Variants in MYRIP observed in about 807,000 individuals in gnomAD.
MYRIP encodes rab effector MyRIP.
Under a neutral mutation model 98.0 loss-of-function variants are expected in MYRIP, and 49 were observed. The ratio of observed to expected loss-of-function variants is 0.50; its 90% CI spans 0.40 to 0.63. The LOEUF (loss-of-function observed/expected upper bound fraction) is 0.63. MYRIP is among the 30% of genes least tolerant of loss of function. The pLI, the probability that MYRIP is intolerant of heterozygous loss-of-function variation, is 0.00. For synonymous variants in MYRIP, 404 were observed against 409.5 expected (o/e 0.99, Z 0.16); for missense variants, 1,004 against 1,058.2 (o/e 0.95, Z 0.71).
intron 1 of MYRIP, among the ~76,000 whole-genome samples, chr3:39,888,486 C>T (rs563080407): frequency 1.3e-5 from 2 of 152,198 alleles, no homozygotes; most frequent in Non-Finnish European, 2.9e-5. Flanking sequence ...ATGTAGAAAG[C>T]TGAAACTGGA....
intron 1 of MYRIP, among the ~76,000 whole-genome samples, chr3:39,856,602 C>A (rs1049741291): frequency 7.9e-5 from 12 of 152,194 alleles, no homozygotes; most frequent in African/African-American, 2.9e-4. Flanking sequence ...CAGAGCCCAA[C>A]CAGCGGAGCT....
At chr3:39,843,445 G>A (rs1941866927) in intron 1 of MYRIP, among the ~76,000 whole-genome samples, 1 of 152,106 alleles carries the variant, frequency 6.6e-6, no homozygotes, top group South Asian at 2.1e-4. Flanking sequence ...AGAAACCACA[G>A]CACAAAAAAG....
chr3:40,071,606 G>T (rs766644382), intron 3 of MYRIP, among the ~76,000 whole-genome samples: 1 of 152,200 alleles, frequency 6.6e-6, no homozygotes, highest in East Asian at 1.9e-4. Flanking sequence ...GACTCACTCA[G>T]AGCAGGAGTG....
At position 39,900,828 on chromosome 3, in the gene MYRIP, G is replaced by A. The variant is rs1943721901; in HGVS notation, c.12G>A (p.Lys4=). The A allele has an allele frequency of 1.2e-6, 2 of 1,613,768 alleles. No homozygotes were observed. Among genetic ancestry groups the A allele is most frequent in the East Asian group, 4.5e-5 (2 of 44,876 alleles). The part of the protein sequence containing the change: MGR[K]LDLSGLTDDE... ...TGTGTTGAGTAACCATGGGGAGGAA[G>A]CTGGACCTGTCTGGTTTGACTGATG... The change falls in exon 2 of 17, where the codon AAG becomes AAA. Residue 4 remains lysine, a synonymous_variant. Coordinates refer to ENST00000302541, the MANE Select transcript of MYRIP (RefSeq NM_015460.4).
At chr3:40,225,827 A>C (rs546598368) in intron 11 of MYRIP, among the ~76,000 whole-genome samples, 1 of 152,268 alleles carries the variant, frequency 6.6e-6, no homozygotes, top group East Asian at 1.9e-4. Flanking sequence ...AGCCATGGCC[A>C]CATATTTATT....
At chr3:39,886,390 T>A (rs1270594888) in intron 1 of MYRIP, among the ~76,000 whole-genome samples, 1 of 149,728 alleles carries the variant, frequency 6.7e-6, no homozygotes, top group Non-Finnish European at 1.5e-5. Context: ...AGACACAGAC[T>A]GGCAAATTGG....
intron 1 of MYRIP, among the ~76,000 whole-genome samples, chr3:39,813,840 A>G (rs1430575342): frequency 1.3e-5 from 2 of 152,222 alleles, no homozygotes; most frequent in Non-Finnish European, 2.9e-5. Flanking sequence ...CGTGCCTACT[A>G]GAGTGTGTAG....
intron 2 of MYRIP, among the ~76,000 whole-genome samples, chr3:39,926,550 A>C (rs931423397): frequency 6.6e-6 from 1 of 152,060 alleles, no homozygotes; most frequent in East Asian, 1.9e-4. Context: ...TCTTCTGCTT[A>C]TGGCTAGGCA....
At chr3:39,960,358 A>G (rs1415276848) in intron 2 of MYRIP, among the ~76,000 whole-genome samples, 1 of 152,150 alleles carries the variant, frequency 6.6e-6, no homozygotes, top group Non-Finnish European at 1.5e-5. Context: ...CTTTCTTGTA[A>G]AAAACACATG....
intron 3 of MYRIP, among the ~76,000 whole-genome samples, chr3:40,096,414 G>A (rs1021477369): frequency 2.0e-5 from 3 of 152,208 alleles, no homozygotes; most frequent in African/African-American, 7.2e-5. Flanking sequence ...TAAGGGAGGT[G>A]CTGTGAGGAT....
intron 1 of MYRIP, among the ~76,000 whole-genome samples, chr3:39,878,568 A>G (rs963901991): frequency 6.6e-6 from 1 of 152,026 alleles, no homozygotes; most frequent in African/African-American, 2.4e-5. Flanking sequence ...ATGTATATAT[A>G]TACACAGAGG....
At chr3:40,126,831 G>C (rs2679824) in intron 3 of MYRIP, among the ~76,000 whole-genome samples, 94,068 of 152,118 alleles carry the variant, frequency 0.62, 33,259 homozygotes, top group Non-Finnish European at 0.79. Context: ...AGTGATGCTA[G>C]TAGCAAGGGC....
At chr3:40,057,424 G>A (rs1947907206) in intron 3 of MYRIP, among the ~76,000 whole-genome samples, 1 of 152,146 alleles carries the variant, frequency 6.6e-6, no homozygotes, top group Admixed American at 6.5e-5. Flanking sequence ...TAACACATCA[G>A]AGCCCTTGAA....
Position 40,190,270 on chromosome 3 carries a change from A to G in MYRIP, c.1472A>G (p.His491Arg). ...RNPAAEKMRL[H>R]GELDVNFNPQ... ...CCTGCAGCTGAGAAGATGCGCTTGC[A>G]TGGAGAGCTGGACGTGAACTTCAAC... Residue 491 changes from histidine (H) to arginine (R), a missense_variant, in exon 10 of 17, where the codon CAT becomes CGT. Coordinates refer to ENST00000302541, the MANE Select transcript of MYRIP (RefSeq NM_015460.4). 1 of 1,614,046 alleles carries G rather than the reference A, an allele frequency of 6.2e-7. No individual in the cohort carries two copies. The highest frequency in any genetic ancestry group is 8.5e-7 in the Non-Finnish European group (1 of 1,180,012).
intron 3 of MYRIP, among the ~76,000 whole-genome samples, chr3:40,144,085 G>A (rs915790195): frequency 6.6e-6 from 1 of 152,142 alleles, no homozygotes; most frequent in Non-Finnish European, 1.5e-5. Flanking sequence ...TAGGACTCTT[G>A]GTTGCAAATA....
chr3:40,120,479 A>G (rs1219588033), intron 3 of MYRIP, among the ~76,000 whole-genome samples: 2 of 152,246 alleles, frequency 1.3e-5, no homozygotes, highest in African/African-American at 4.8e-5. Context: ...GTGTCAGGAC[A>G]TCGGTGAGGC....
At chr3:40,029,403 C>G (rs769471959) in intron 2 of MYRIP, among the ~76,000 whole-genome samples, 25 of 152,156 alleles carry the variant, frequency 1.6e-4, no homozygotes, top group Non-Finnish European at 1.6e-4. Flanking sequence ...CAAATAAGTA[C>G]CGGGCACTTC....
chr3:39,812,094 G>A (rs571738095), intron 1 of MYRIP, among the ~76,000 whole-genome samples: 49 of 152,100 alleles, frequency 3.2e-4, no homozygotes, highest in Non-Finnish European at 4.9e-4. Context: ...AAATAATGCA[G>A]TTCTGAAGGA....
intron 3 of MYRIP, among the ~76,000 whole-genome samples, chr3:40,107,972 C>T (rs1949081712): frequency 6.6e-6 from 1 of 152,164 alleles, no homozygotes; most frequent in South Asian, 2.1e-4. Context: ...GCATCCGTGT[C>T]CCACATTTGA....
Sources: gnomAD v4.1 joint callset for allele counts (sites outside exome capture counted in the v4.1 genomes callset) on GRCh38, gnomAD v4.1.1 for gene constraint, MANE v1.5 for transcripts, NCBI Gene and HGNC (gene_info 2026-07-23, HGNC 2026-07-21) for gene names.